The following AR variants were observed in gnomAD, a reference collection of about 807,000 sequenced individuals.
AR encodes the protein dihydrotestosterone receptor.
In AR, 8 loss-of-function variants were observed where a neutral mutation model predicts 53.9. The observed-to-expected ratio is 0.15, with a 90% CI of 0.09 to 0.27. AR has a LOEUF of 0.27. AR is among the 10% of genes least tolerant of loss of function. The pLI, the probability that AR is intolerant of heterozygous loss-of-function variation, is 1.00. For missense variants in AR, 639 were observed against 742.5 expected (o/e 0.86, Z 1.62); for synonymous variants, 359 against 316.4 (o/e 1.13, Z -1.43).
intron 1 of AR, among the ~76,000 whole-genome samples, chrX:67,631,071 C>T (rs1925069874): frequency 9.0e-6 from 1 of 111,409 alleles, no homozygotes; most frequent in Non-Finnish European, 1.9e-5. Context: ...CTGCCCTTAA[C>T]ATTTTTTCCT....
intron 1 of AR, among the ~76,000 whole-genome samples, chrX:67,578,439 A>G (rs1022455195): frequency 9.0e-6 from 1 of 111,693 alleles, no homozygotes; most frequent in Admixed American, 9.5e-5. Context: ...TAAGCAATTT[A>G]TATTGGTGAT....
chrX:67,575,075 G>A (rs1921989759), intron 1 of AR, among the ~76,000 whole-genome samples: 1 of 111,381 alleles, frequency 9.0e-6, no homozygotes, highest in Non-Finnish European at 1.9e-5. Context: ...TGTATGTAGA[G>A]GAGACAAGTC....
intron 4 of AR, among the ~76,000 whole-genome samples, chrX:67,712,358 G>A (rs1346099684): frequency 8.9e-6 from 1 of 112,354 alleles, no homozygotes; most frequent in African/African-American, 3.2e-5. Context: ...GAAAGATTAG[G>A]TAATAGTGAA....
At chrX:67,664,737 G>A (rs1219753616) in intron 2 of AR, among the ~76,000 whole-genome samples, 2 of 112,512 alleles carry the variant, frequency 1.8e-5, no homozygotes, top group Non-Finnish European at 3.8e-5. Context: ...AGGCAGGCAG[G>A]CCTCCTTGAG....
intron 3 of AR, chrX:67,689,887 C>G (rs775433613): frequency 1.2e-4 from 27 of 225,616 alleles, no homozygotes; most frequent in Non-Finnish European, 1.7e-4. Context: ...TCCAAGGGTA[C>G]ACTCCTTGTT....
chrX:67,604,582 C>G lies in AR; in HGVS notation c.1617-38674C>G, dbSNP rs533825613. Among the ~76,000 whole-genome samples the G allele has an allele frequency of 8.1e-5, 9 of 110,973 alleles. No individual in the cohort carries two copies. In the South Asian group the frequency reaches 3.5e-3, roughly 43 times the overall value. Reference sequence around the variant, plus strand: ...ATAGGATGGTAGGATTTGTAACATGCGATCACAGGACTGTTTATATAGAGT... The same window carrying G: ...ATAGGATGGTAGGATTTGTAACATGGGATCACAGGACTGTTTATATAGAGT... On this transcript the variant is annotated intron_variant, in intron 1 of 7. Coordinates refer to ENST00000374690, the MANE Select transcript of AR (RefSeq NM_000044.6).
intron 2 of AR, among the ~76,000 whole-genome samples, chrX:67,659,372 C>T (rs1426911168): frequency 9.0e-6 from 1 of 110,698 alleles, no homozygotes; most frequent in African/African-American, 3.3e-5. Context: ...CCCCTCTCCC[C>T]TCTCCCCACC....
At chrX:67,717,119 C>T (rs2076116456) in intron 4 of AR, among the ~76,000 whole-genome samples, 1 of 111,323 alleles carries the variant, frequency 9.0e-6, no homozygotes, top group African/African-American at 3.3e-5. Context: ...TATCATGTAC[C>T]CAAAATTATT....
chrX:67,664,170 C>T (rs1357857050), intron 2 of AR, among the ~76,000 whole-genome samples: 1 of 112,313 alleles, frequency 8.9e-6, no homozygotes, highest in Non-Finnish European at 1.9e-5. Context: ...TGAGGAGCTG[C>T]ATTCCTTTGG....
At chrX:67,622,695 T>C (rs1260728627) in intron 1 of AR, among the ~76,000 whole-genome samples, 1 of 111,995 alleles carries the variant, frequency 8.9e-6, no homozygotes, top group African/African-American at 3.2e-5. Context: ...TTTAAGTAGA[T>C]TTCAAAGTAA....
intron 2 of AR, among the ~76,000 whole-genome samples, chrX:67,657,034 A>C (rs190186480): frequency 1.2e-3 from 133 of 110,807 alleles, no homozygotes; most frequent in South Asian, 5.4e-3. Flanking sequence ...CAAAGCCCCC[A>C]AAAAAATGTT....
chrX:67,722,129 A>G (rs763953475), intron 6 of AR, 166 bp downstream of exon 6: 1 of 625,732 alleles, frequency 1.6e-6, no homozygotes, highest in African/African-American at 2.3e-5. Flanking sequence ...CATTTTCCTA[A>G]CAAGAAACAA....
intron 1 of AR, among the ~76,000 whole-genome samples, chrX:67,601,598 G>A (rs1297932171): frequency 9.0e-6 from 1 of 111,714 alleles, no homozygotes; most frequent in Admixed American, 9.5e-5. Context: ...TGTATGATAG[G>A]TACTTCTACA....
chrX:67,711,670 G>A lies in AR; in HGVS notation c.2154G>A (p.Lys718=), dbSNP rs745979289. ...LGERQLVHVV[K]WAKALPGFRN... The stretch of plus-strand genomic sequence containing the variant: ...AGAGACAGCTTGTACACGTGGTCAA[G>A]TGGGCCAAGGCCTTGCCTGGTAAGG... Residue 718 remains lysine, a synonymous_variant, in exon 4 of 8, where the codon AAG becomes AAA. Coordinates refer to ENST00000374690, the MANE Select transcript of AR (RefSeq NM_000044.6). 2 of 1,206,753 alleles carry A rather than the reference G, an allele frequency of 1.7e-6. No homozygotes were observed.
intron 3 of AR, among the ~76,000 whole-genome samples, chrX:67,704,308 T>C (rs1455879013): frequency 8.9e-6 from 1 of 112,193 alleles, no homozygotes; most frequent in African/African-American, 3.2e-5. Context: ...CCAGCACCTG[T>C]TGTTTCCTGA....
chrX:67,687,389 G>A (rs2075972598), intron 3 of AR, among the ~76,000 whole-genome samples: 2 of 112,271 alleles, frequency 1.8e-5, no homozygotes, highest in Admixed American at 1.9e-4. Flanking sequence ...CTGGATGAGA[G>A]ACAATTTCAA....
At chrX:67,668,491 A>C (rs1927373659) in intron 2 of AR, among the ~76,000 whole-genome samples, 1 of 110,358 alleles carries the variant, frequency 9.1e-6, no homozygotes, top group Non-Finnish European at 1.9e-5. Context: ...TTTTTGCATC[A>C]GTGTTTATCA....
chrX:67,604,057 CACTT>C (rs977460685), intron 1 of AR, among the ~76,000 whole-genome samples: 1 of 110,692 alleles, frequency 9.0e-6, no homozygotes, highest in Non-Finnish European at 1.9e-5. Flanking sequence ...TCATACTTAA[CACTT>C]ACAGTATAAT....
chrX:67,588,344 T>G (rs1343493238), intron 1 of AR, among the ~76,000 whole-genome samples: 1 of 112,033 alleles, frequency 8.9e-6, no homozygotes, highest in Non-Finnish European at 1.9e-5. Flanking sequence ...TTATATAGAC[T>G]AGAATCAGAA....
Sources: gnomAD v4.1 joint callset for allele counts (sites outside exome capture counted in the v4.1 genomes callset) on GRCh38, gnomAD v4.1.1 for gene constraint, MANE v1.5 for transcripts, NCBI Gene and HGNC (gene_info 2026-07-23, HGNC 2026-07-21) for gene names.